The following ANO5 variants were observed in gnomAD, a reference collection of about 807,000 sequenced individuals.
ANO5 encodes anoctamin 5.
ANO5 carries 109 observed loss-of-function variants against 121.0 expected under a neutral mutation model. That is an observed-to-expected ratio of 0.90 (90% CI 0.77 to 1.06). The LOEUF (loss-of-function observed/expected upper bound fraction) is 1.06. ANO5 is among the 50% of genes least tolerant of loss of function. ANO5 has a pLI of 0.00. For missense variants in ANO5, 1,064 were observed against 1,078.5 expected (o/e 0.99, Z 0.19); for synonymous variants, 406 against 359.9 (o/e 1.13, Z -1.45).
At chr11:22,225,698 G>GT (rs1347927771) in intron 5 of ANO5, among the ~76,000 whole-genome samples, 8 of 151,986 alleles carry the variant, frequency 5.3e-5, no homozygotes, top group Admixed American at 1.3e-4. Context: ...TGTTTATAAA[G>GT]TTTTTTTATA....
In ANO5 at chr11:22,255,338, A is replaced by C. The variant is rs138309861; in HGVS notation, c.1181-33A>C. On this transcript the variant is annotated intron_variant, in intron 12 of 21. Transcript: ENST00000324559. ...GTTGAAAAAGTTTTTAACTTTTTTA[A>C]TATCTTTTTTTTATATATTTATTTA... is the stretch of plus-strand genomic sequence containing the variant. The C allele has an allele frequency of 3.3e-6, 5 of 1,504,184 alleles. No homozygotes were observed. In the South Asian group the frequency reaches 6.6e-5, roughly 20 times the overall value. The allele number at this position is 1,504,184 out of a possible 1,614,324, so 93.2% of individuals were successfully genotyped here.
At chr11:22,206,351 C>T (rs1365253684) in intron 2 of ANO5, among the ~76,000 whole-genome samples, 2 of 151,998 alleles carry the variant, frequency 1.3e-5, no homozygotes, top group African/African-American at 2.4e-5. Context: ...GAGTCTTGCT[C>T]TGTCACCCAG....
At chr11:22,255,635 A>G in intron 13 of ANO5, 113 bp downstream of exon 13, 6 of 1,248,296 alleles carry the variant, frequency 4.8e-6, no homozygotes, top group Non-Finnish European at 6.9e-6. Flanking sequence ...CAACGTATAA[A>G]TCACATAAAC....
chr11:22,269,773 TTTA>T (rs1854541521), intron 17 of ANO5, among the ~76,000 whole-genome samples: 1 of 152,196 alleles, frequency 6.6e-6, no homozygotes, highest in Non-Finnish European at 1.5e-5. Flanking sequence ...ATGTGATATA[TTTA>T]TTGATTTGCT....
chr11:22,195,780 A>G (rs891075078), intron 1 of ANO5, among the ~76,000 whole-genome samples: 1 of 152,158 alleles, frequency 6.6e-6, no homozygotes, highest in Non-Finnish European at 1.5e-5. Context: ...TTATGCTTAC[A>G]TGTGATCCAA....
At chr11:22,215,606 T>G (rs1852413338) in intron 3 of ANO5, among the ~76,000 whole-genome samples, 1 of 151,964 alleles carries the variant, frequency 6.6e-6, no homozygotes, top group Non-Finnish European at 1.5e-5. Flanking sequence ...GCAAAAAAAC[T>G]GCTTGTCTGA....
At chr11:22,223,718 A>T (rs1852733453) in intron 5 of ANO5, among the ~76,000 whole-genome samples, 1 of 151,976 alleles carries the variant, frequency 6.6e-6, no homozygotes, top group Non-Finnish European at 1.5e-5. Flanking sequence ...ATTTTGGGAT[A>T]TTGCTCTGAA....
chr11:22,248,327 G>A (rs919265528), intron 9 of ANO5, among the ~76,000 whole-genome samples: 1 of 151,870 alleles, frequency 6.6e-6, no homozygotes, highest in Non-Finnish European at 1.5e-5. Flanking sequence ...TAAATATATG[G>A]CATATTTTTC....
chr11:22,276,642 A>G (rs961800307), intron 21 of ANO5, among the ~76,000 whole-genome samples: 4 of 151,778 alleles, frequency 2.6e-5, no homozygotes, highest in African/African-American at 9.7e-5. Flanking sequence ...CTGAGTCTCA[A>G]TGCCAAATGT....
intron 17 of ANO5, among the ~76,000 whole-genome samples, chr11:22,266,931 G>A (rs1854387703): frequency 6.6e-6 from 1 of 152,028 alleles, no homozygotes; most frequent in South Asian, 2.1e-4. Context: ...GTGTCATTGT[G>A]GGCAAAATTA....
chr11:22,227,303 A>G lies in ANO5; in HGVS notation c.365A>G (p.Asp122Gly). Reference protein sequence around the residue: ...GLELEIEDKRDSEDGRTYFVK... With the variant: ...GLELEIEDKRGSEDGRTYFVK... ...TGTTTTGCCTTTTTTTTAATGCAGG[A>G]CTCGGAAGATGGAAGAACTTATTTT... The change falls in exon 7 of 22, where the codon GAC (aspartate) becomes GGC (glycine). Residue 122 changes from aspartate (D) to glycine (G), a missense_variant and splice_region_variant. Coordinates refer to ENST00000324559, the MANE Select transcript of ANO5 (RefSeq NM_213599.3). 6.2e-7 allele frequency: 1 copy of G among 1,613,034 alleles called. No homozygotes were observed. Among genetic ancestry groups the G allele is most frequent in the Non-Finnish European group, 8.5e-7 (1 of 1,179,590 alleles).
chr11:22,258,168 AT>A (rs2133732923), intron 14 of ANO5, among the ~76,000 whole-genome samples: 1 of 152,138 alleles, frequency 6.6e-6, no homozygotes, highest in South Asian at 2.1e-4. Flanking sequence ...TTAGCATCTA[AT>A]TTTAGGAAAA....
intron 1 of ANO5, among the ~76,000 whole-genome samples, chr11:22,195,965 A>G (rs79412984): frequency 0.043 from 6,534 of 152,246 alleles, 440 homozygotes; most frequent in African/African-American, 0.15. Context: ...CAGGGCCTAA[A>G]GAGCAGCATA....
chr11:22,270,255 T>C, intron 17 of ANO5, 57 bp from the exon 18 acceptor site: 2 of 1,598,496 alleles, frequency 1.3e-6, no homozygotes, highest in Non-Finnish European at 1.7e-6. Context: ...ACTCTGATTC[T>C]CTGATCGCTT....
intron 21 of ANO5, among the ~76,000 whole-genome samples, chr11:22,278,481 A>T (rs1854947426): frequency 6.6e-6 from 1 of 150,406 alleles, no homozygotes; most frequent in African/African-American, 2.4e-5. Context: ...TATCTTTTTT[A>T]AAATTCTACT....
Position 22,226,053 on chromosome 11 carries a change from G to A in ANO5, c.363+1G>A. 1 of 1,596,970 alleles carries A rather than the reference G, an allele frequency of 6.3e-7. No individual in the cohort carries two copies. Among genetic ancestry groups the A allele is most frequent in the Non-Finnish European group, 8.6e-7 (1 of 1,165,182 alleles). On this transcript the variant is annotated splice_donor_variant, in intron 6 of 21. Coordinates refer to ENST00000324559, the MANE Select transcript of ANO5 (RefSeq NM_213599.3). LOFTEE classifies it high-confidence loss of function. ...TGAGTTGGAAATAGAAGACAAAAGG[G>A]TAAATGTAGTTGATAATTTATACAA...
intron 9 of ANO5, among the ~76,000 whole-genome samples, chr11:22,247,812 T>G (rs1486524942): frequency 6.6e-6 from 1 of 152,130 alleles, no homozygotes; most frequent in Admixed American, 6.6e-5. Context: ...ATGGAGCATA[T>G]AAAGTTGAAG....
rs549767128 is a variant in ANO5 at position 22,233,409 on chromosome 11, T to C, written c.649-2754T>C. ...CTGGAAAAACAGAATTTAAAAAATA[T>C]ATATAAATTTTATTTATCACCGTAA... On this transcript the variant is annotated intron_variant, in intron 7 of 21. Transcript: ENST00000324559. Among the ~76,000 whole-genome samples, 7 of 152,014 alleles carry C rather than the reference T, an allele frequency of 4.6e-5. No individual in the cohort carries two copies. The South Asian group carries it at 1.5e-3, about 32-fold the overall frequency.
intron 1 of ANO5, among the ~76,000 whole-genome samples, chr11:22,199,005 A>G (rs140722900): frequency 5.4e-4 from 82 of 152,256 alleles, no homozygotes; most frequent in African/African-American, 1.9e-3. Context: ...TTTTTCAAGC[A>G]TTTCCCTTTA....
Sources: allele counts gnomAD v4.1 joint callset (sites outside exome capture counted in the v4.1 genomes callset), GRCh38; gene constraint gnomAD v4.1.1; transcripts MANE v1.5; gene names NCBI Gene and HGNC (gene_info 2026-07-23, HGNC 2026-07-21).